Variants in RTBDN observed in about 807,000 individuals in gnomAD.
The protein encoded by RTBDN is retbindin.
In RTBDN, 24 loss-of-function variants were observed where a neutral mutation model predicts 21.9. The observed-to-expected ratio is 1.10, with a 90% CI of 0.79 to 1.54. The LOEUF (loss-of-function observed/expected upper bound fraction) is 1.54, where lower values mean the gene tolerates loss of function less well. RTBDN is among the 40% of genes most tolerant of loss of function. RTBDN has a pLI of 0.00. For synonymous variants in RTBDN, 141 were observed against 125.9 expected, an observed-to-expected ratio of 1.12 and a Z score of -0.80; for missense variants, 325 against 315.2, an observed-to-expected ratio of 1.03 and a Z score of -0.23.
chr19:12,831,747 A>G (rs1489960874), intron 1 of RTBDN, among the ~76,000 whole-genome samples: 1 of 152,178 alleles, frequency 6.6e-6, no homozygotes, highest in Non-Finnish European at 1.5e-5. Flanking sequence ...AAAAGACACA[A>G]AAATCTCAGG....
rs149004133 is a variant in RTBDN at position 12,831,429 on chromosome 19, G to C, written c.-18-1432C>G. ...AACAAGACATGAAAATTTCAGCCAG[G>C]CATGGTGGTTCACACCTGTAATCCC... On this transcript the variant is annotated intron_variant, in intron 1 of 5. Transcript: ENST00000674343. Among the ~76,000 whole-genome samples the C allele has an allele frequency of 2.8e-3, 427 of 152,284 alleles. 1 individual carries two copies. The highest frequency in any genetic ancestry group is 9.4e-3 in the African/African-American group (389 of 41,568).
rs1969539782 is a variant in RTBDN at position 12,830,704 on chromosome 19, G to A, written c.-18-707C>T. ...TGAAAGGGGCGTGGCTTAATGCAGG[G>A]GCGGGACCTCCCACCGTCCTGCCCA... is the stretch of plus-strand genomic sequence containing the variant. On this transcript the variant is annotated intron_variant, in intron 1 of 5. Transcript: ENST00000674343. This position sits in a 1 kb window ranked among gnomAD's most constrained non-coding sequence, Gnocchi z 4.2. The A allele has an allele frequency of 1.0e-6, 1 of 985,020 alleles. No individual in the cohort carries two copies. Among genetic ancestry groups the A allele is most frequent in the African/African-American group, 1.7e-5 (1 of 57,220 alleles). 61.0% of individuals were successfully genotyped at this position (985,020 alleles called of 1,614,324 possible). A position where few individuals can be genotyped will look rare whatever the true frequency, so the allele number is the denominator to read the frequency against.
At chr19:12,826,076 G>C (rs1429634876) in intron 5 of RTBDN, 143 bp from the exon 6 acceptor site, 1 of 1,412,984 alleles carries the variant, frequency 7.1e-7, no homozygotes, top group Non-Finnish European at 9.2e-7. Context: ...TGTGCGGAAC[G>C]TGAGTGGGGG....
At chr19:12,829,771 T>G (rs1318367224) in intron 2 of RTBDN, 40 bp downstream of exon 2, 4 of 1,578,972 alleles carry the variant, frequency 2.5e-6, no homozygotes, top group Non-Finnish European at 3.5e-6. Context: ...AGGTGTGGGT[T>G]TCTGGGTGTT....
chr19:12,834,301 G>T lies in RTBDN; in HGVS notation c.-19+188C>A, dbSNP rs1568402821. 6.6e-6 allele frequency among the ~76,000 whole-genome samples: 1 copy of T among 152,210 alleles called. No individual in the cohort carries two copies. Among genetic ancestry groups the T allele is most frequent in the Non-Finnish European group, 1.5e-5 (1 of 68,008 alleles). ...CTAGGGGGATGGGGCTGGGGCCGAA[G>T]TCATCGCCCTGGCGCCTCGCCAGGC... is the stretch of plus-strand genomic sequence containing the variant. On this transcript the variant is annotated intron_variant, in intron 1 of 5. Coordinates refer to ENST00000674343, the MANE Select transcript of RTBDN (RefSeq NM_001270441.2). This position sits in a 1 kb window ranked among gnomAD's most constrained non-coding sequence, Gnocchi z 4.7.
intron 3 of RTBDN, 47 bp downstream of exon 3, chr19:12,828,822 G>A (rs1287834560): frequency 3.7e-6 from 6 of 1,613,840 alleles, no homozygotes; most frequent in African/African-American, 1.3e-5. Flanking sequence ...GAGTTCCTGG[G>A]CAATGGGCAA....
chr19:12,830,713 T>C lies in RTBDN; in HGVS notation c.-18-716A>G. The C allele has an allele frequency of 1.0e-6, 1 of 979,766 alleles. No homozygotes were observed. The allele number at this position is 979,766 out of a possible 1,614,324, so 60.7% of individuals were successfully genotyped here. ...CGTGGCTTAATGCAGGGGCGGGACC[T>C]CCCACCGTCCTGCCCACACTCCAGC... is the stretch of plus-strand genomic sequence containing the variant. On this transcript the variant is annotated intron_variant, in intron 1 of 5. Transcript: ENST00000674343. This position sits in a 1 kb window ranked among gnomAD's most constrained non-coding sequence, Gnocchi z 4.2.
upstream of RTBDN, chr19:12,835,131 T>C (rs753710874): frequency 3.1e-6 from 5 of 1,611,506 alleles, no homozygotes; most frequent in Non-Finnish European, 4.2e-6. Context: ...ATTCCCGAGG[T>C]TGAAGGCCAA....
Position 12,829,973 on chromosome 19 carries a change from A to G in RTBDN, c.7T>C (p.Cys3Arg). ...CCGATGGGTCGCATGTGGACCCTGC[A>G]GTCCATGTCCACCTGAGATAAGAGC... MD[C>R]RVHMRPIGLT... Residue 3 changes from cysteine to arginine, a missense_variant, in exon 2 of 6, where the codon TGC (cysteine) becomes CGC (arginine). Physicochemically the swap from Cys to Arg is radical, Grantham distance 180. Transcript: ENST00000674343. 1 of 1,608,826 alleles carries G rather than the reference A, an allele frequency of 6.2e-7. No individual in the cohort carries two copies. The highest frequency in any genetic ancestry group is 8.5e-7 in the Non-Finnish European group (1 of 1,175,638).
chr19:12,826,377 T>C (rs774472038), intron 5 of RTBDN: 6 of 1,273,466 alleles, frequency 4.7e-6, no homozygotes, highest in Non-Finnish European at 5.1e-6. Flanking sequence ...ATCCGGTCTC[T>C]GGGGTCTAGA....
intron 4 of RTBDN, among the ~76,000 whole-genome samples, chr19:12,828,439 A>G (rs991530284): frequency 1.3e-5 from 2 of 152,200 alleles, no homozygotes; most frequent in Admixed American, 6.5e-5. Context: ...TCGCAGGGCT[A>G]TGAAAAGCCA....
At position 12,830,083 on chromosome 19, in the gene RTBDN, A is replaced by G. The variant is rs1599559497; in HGVS notation, c.-18-86T>C. ...CAGTGCATACCCAAGAAGCAGTGCCAGGCAGAGTAGGGAAAGTGCAGCTGA... is the reference window on the plus strand; with the variant it reads ...CAGTGCATACCCAAGAAGCAGTGCCGGGCAGAGTAGGGAAAGTGCAGCTGA... On this transcript the variant is annotated intron_variant, in intron 1 of 5. Transcript: ENST00000674343. This position sits in a 1 kb window ranked among gnomAD's most constrained non-coding sequence, Gnocchi z 4.2. 3 of 1,453,016 alleles carry G rather than the reference A, an allele frequency of 2.1e-6. No individual in the cohort carries two copies. The East Asian group carries it at 7.0e-5, about 34-fold the overall frequency. 90.0% of individuals were successfully genotyped at this position (1,453,016 alleles called of 1,614,324 possible).
chr19:12,826,844 G>A lies in RTBDN; in HGVS notation c.393C>T (p.Thr131=), dbSNP rs1387142772. 6.4e-7 allele frequency: 1 copy of A among 1,553,286 alleles called. No homozygotes were observed. Among genetic ancestry groups the A allele is most frequent in the Non-Finnish European group, 8.7e-7 (1 of 1,148,752 alleles). ...AWFANCEDDI[T]CGPTWLPLSE... ...AGAGTGGGAGCCAAGTCGGGCCGCAGGTGATATCATCTTCGCAGTTGGCGA... is the reference window on the plus strand; with the variant it reads ...AGAGTGGGAGCCAAGTCGGGCCGCAAGTGATATCATCTTCGCAGTTGGCGA... Residue 131 remains threonine, a synonymous_variant, in exon 5 of 6, where the codon ACC becomes ACT. Transcript: ENST00000674343.
rs1190910347 is a variant in RTBDN at position 12,827,522 on chromosome 19, C to T, written c.366-651G>A. Among the ~76,000 whole-genome samples the T allele has an allele frequency of 2.0e-5, 3 of 151,932 alleles. No homozygotes were observed. The South Asian group carries it at 6.3e-4, about 32-fold the overall frequency. ...GTTTTTAGTAGAGACGGTGTTTCACCACGTTGGCCAAGCTTGTCTCAAACT... is the reference window on the plus strand; with the variant it reads ...GTTTTTAGTAGAGACGGTGTTTCACTACGTTGGCCAAGCTTGTCTCAAACT... On this transcript the variant is annotated intron_variant, in intron 4 of 5. Coordinates refer to ENST00000674343, the MANE Select transcript of RTBDN (RefSeq NM_001270441.2).
chr19:12,826,195 A>G, intron 5 of RTBDN: 1 of 1,348,452 alleles, frequency 7.4e-7, no homozygotes, highest in Non-Finnish European at 9.5e-7. Flanking sequence ...GGGGTTTTGT[A>G]GAGAGTGACT....
rs192063986 is a variant in RTBDN at position 12,830,895 on chromosome 19, A to G, written c.-18-898T>C. On this transcript the variant is annotated intron_variant, in intron 1 of 5. Coordinates refer to ENST00000674343, the MANE Select transcript of RTBDN (RefSeq NM_001270441.2). This position sits in a 1 kb window ranked among gnomAD's most constrained non-coding sequence, Gnocchi z 4.2. The stretch of plus-strand genomic sequence containing the variant: ...TGAGGAAGGTGTGTTTGTGTGGCCT[A>G]TAGCCTGTGTGTGTTCCCAGGCACC... Among the ~76,000 whole-genome samples the G allele has an allele frequency of 4.0e-5, 6 of 148,690 alleles. No homozygotes were observed. The highest frequency in any genetic ancestry group is 5.9e-5 in the Non-Finnish European group (4 of 67,398).
intron 1 of RTBDN, among the ~76,000 whole-genome samples, chr19:12,831,867 T>A (rs1969585766): frequency 6.6e-6 from 1 of 152,254 alleles, no homozygotes; most frequent in South Asian, 2.1e-4. Context: ...TTGTCTGTTT[T>A]AGATGATAAT....
rs1969492689 is a variant in RTBDN at position 12,829,838 on chromosome 19, G to A, written c.142C>T (p.Leu48=). ...GCCAGGTGCAGCTTGCCTTTGCCCA[G>A]ATCAGCTGCCAGCCCATGGTGTTGC... ...SQQHHGLAAD[L]GKGKLHLAGP... Residue 48 remains leucine, a synonymous_variant, in exon 2 of 6, where the codon CTG becomes TTG. Coordinates refer to ENST00000674343, the MANE Select transcript of RTBDN (RefSeq NM_001270441.2). 6.2e-7 allele frequency: 1 copy of A among 1,613,676 alleles called. No individual in the cohort carries two copies. Among genetic ancestry groups the A allele is most frequent in the Non-Finnish European group, 8.5e-7 (1 of 1,179,618 alleles).
At chr19:12,829,643 T>C (rs1969477805) in intron 2 of RTBDN, among the ~76,000 whole-genome samples, 168 bp downstream of exon 2, 1 of 152,266 alleles carries the variant, frequency 6.6e-6, no homozygotes, top group South Asian at 2.1e-4. Context: ...AGAGTTGGGA[T>C]TTGAACCCAG....
Sources: allele counts gnomAD v4.1 joint callset (sites outside exome capture counted in the v4.1 genomes callset), GRCh38; gene constraint gnomAD v4.1.1; non-coding constraint Gnocchi (gnomAD v3.1); transcripts MANE v1.5; gene names NCBI Gene and HGNC (gene_info 2026-07-23, HGNC 2026-07-21).